The following NAV3 variants were observed in gnomAD, a reference collection of about 807,000 sequenced individuals.
The protein encoded by NAV3 is neuron navigator 3.
NAV3 carries 87 observed loss-of-function variants against 244.7 expected under a neutral mutation model. The ratio of observed to expected loss-of-function variants is 0.36; its 90% CI spans 0.30 to 0.42. The LOEUF is 0.42. Among genes scored for constraint, NAV3 ranks in the 20% least tolerant of loss-of-function variants. The probability of loss-of-function intolerance (pLI) is 1.00; values close to 1 mark genes in which losing one functional copy is unlikely to be tolerated. For synonymous variants in NAV3, 1,126 were observed against 1,042.2 expected (o/e 1.08, Z -1.55); for missense variants, 2,663 against 2,893.3 (o/e 0.92, Z 1.83).
chr12:78,035,987 A>G (rs1398184188), intron 9 of NAV3, among the ~76,000 whole-genome samples: 1 of 152,176 alleles, frequency 6.6e-6, no homozygotes, highest in East Asian at 1.9e-4. Context: ...CTGCAGCTAC[A>G]GAGAATTAGT....
intron 28 of NAV3, among the ~76,000 whole-genome samples, chr12:78,177,911 G>T (rs1391552998): frequency 8.5e-6 from 1 of 117,254 alleles, no homozygotes; most frequent in East Asian, 2.3e-4. Flanking sequence ...CCACTTTTTG[G>T]TAGTACAGTA....
At position 77,764,629 on chromosome 12, in the gene NAV3, T is replaced by A. The variant is rs572929730; in HGVS notation, c.73-175690T>A. Among the ~76,000 whole-genome samples, 26 of 152,382 alleles carry A rather than the reference T, an allele frequency of 1.7e-4. No homozygotes were observed. In the South Asian group the frequency reaches 5.2e-3, roughly 30 times the overall value. On this transcript the variant is annotated intron_variant, in intron 2 of 8. Transcript: ENST00000550042. The stretch of plus-strand genomic sequence containing the variant: ...TCATAGGATTTTTCAAAAGAGAGCC[T>A]CGTTTAATAAATTAGTTCTACAGTG...
intron 2 of NAV3, among the ~76,000 whole-genome samples, chr12:77,807,802 C>A (rs1872062360): frequency 6.6e-6 from 1 of 152,188 alleles, no homozygotes; most frequent in Non-Finnish European, 1.5e-5. Context: ...CCGTCACTTT[C>A]ACGTACACCA....
rs2136073163 is a variant in NAV3, at chr12:77,831,432, TG to T, written c.-28del. The T allele has an allele frequency of 6.4e-7, 1 of 1,558,396 alleles. No individual in the cohort carries two copies. The highest frequency in any genetic ancestry group is 8.7e-7 in the Non-Finnish European group (1 of 1,155,966). ...AGACTGAGGTTAGAAGCATTTTCTTTGGCAGCAAGAAGATAATTTTATAGAA... is the reference window on the plus strand; with the variant it reads ...AGACTGAGGTTAGAAGCATTTTCTTTGCAGCAAGAAGATAATTTTATAGAA... On this transcript the variant is annotated 5_prime_UTR_variant, in exon 1 of 40. Transcript: ENST00000397909.
intron 4 of NAV3, among the ~76,000 whole-genome samples, chr12:77,966,849 A>C (rs1236490200): frequency 6.6e-6 from 1 of 152,078 alleles, no homozygotes; most frequent in Non-Finnish European, 1.5e-5. Flanking sequence ...CTAAAATTGA[A>C]AGAGAGCAAA....
chr12:77,929,782 G>A (rs183827780), intron 1 of NAV3, among the ~76,000 whole-genome samples: 219 of 145,580 alleles, frequency 1.5e-3, no homozygotes, highest in African/African-American at 4.6e-3. Flanking sequence ...ACAGGCACCC[G>A]CCACCACGGC....
chr12:77,859,542 G>T (rs539376583), intron 1 of NAV3, among the ~76,000 whole-genome samples: 1 of 150,514 alleles, frequency 6.6e-6, no homozygotes, highest in Non-Finnish European at 1.5e-5. Context: ...TGGGTGCAGC[G>T]CACCAGCATG....
intron 2 of NAV3, among the ~76,000 whole-genome samples, chr12:77,729,549 A>G (rs1877031494): frequency 6.6e-6 from 1 of 152,018 alleles, no homozygotes; most frequent in Non-Finnish European, 1.5e-5. Flanking sequence ...TAAGATAAAC[A>G]TGGTGATCAG....
At chr12:78,162,216 G>T (rs1957573129) in intron 23 of NAV3, among the ~76,000 whole-genome samples, 1 of 152,100 alleles carries the variant, frequency 6.6e-6, no homozygotes, top group African/African-American at 2.4e-5. Context: ...AGATAAAAGG[G>T]TATATTGCTC....
intron 1 of NAV3, among the ~76,000 whole-genome samples, chr12:77,877,561 A>C (rs1032497279): frequency 3.3e-5 from 5 of 152,276 alleles, no homozygotes; most frequent in East Asian, 1.9e-4. Flanking sequence ...TGGAGCAAAA[A>C]AGTGGACTAT....
intron 20 of NAV3, among the ~76,000 whole-genome samples, chr12:78,142,386 T>G (rs1425788186): frequency 6.6e-6 from 1 of 152,094 alleles, no homozygotes; most frequent in African/African-American, 2.4e-5. Context: ...CACTATCTAA[T>G]ATAGTAACTA....
chr12:78,207,846 T>C (rs1239891219), intron 39 of NAV3, among the ~76,000 whole-genome samples: 2 of 152,160 alleles, frequency 1.3e-5, no homozygotes, highest in Non-Finnish European at 2.9e-5. Context: ...TAGTTAGATC[T>C]GCAGTTTCTA....
At chr12:77,663,279 T>G (rs749967616) in intron 2 of NAV3, among the ~76,000 whole-genome samples, 42 of 152,306 alleles carry the variant, frequency 2.8e-4, no homozygotes, top group Non-Finnish European at 5.4e-4. Context: ...ATACATCATA[T>G]TCTGACTACT....
chr12:77,980,444 G>A (rs1869363175), intron 5 of NAV3, among the ~76,000 whole-genome samples: 1 of 152,046 alleles, frequency 6.6e-6, no homozygotes, highest in Non-Finnish European at 1.5e-5. Context: ...TTATTTTCCT[G>A]AATATATGTA....
intron 2 of NAV3, among the ~76,000 whole-genome samples, chr12:77,611,745 A>G (rs1870923470): frequency 6.6e-6 from 1 of 152,076 alleles, no homozygotes. Flanking sequence ...ATGATGAGCA[A>G]AAAGTGCTTT....
At chr12:77,672,001 A>G (rs1196311838) in intron 2 of NAV3, among the ~76,000 whole-genome samples, 1 of 152,238 alleles carries the variant, frequency 6.6e-6, no homozygotes, top group Non-Finnish European at 1.5e-5. Flanking sequence ...TTCACAATCT[A>G]TGCCTCCGAC....
At chr12:77,988,180 G>C (rs1870855885) in intron 5 of NAV3, among the ~76,000 whole-genome samples, 4 of 152,282 alleles carry the variant, frequency 2.6e-5, no homozygotes, top group Admixed American at 2.0e-4. Flanking sequence ...CTGTTTAAAT[G>C]AAGATTCAAA....
At chr12:77,744,352 A>G (rs1592640430) in intron 2 of NAV3, among the ~76,000 whole-genome samples, 1 of 152,156 alleles carries the variant, frequency 6.6e-6, no homozygotes, top group African/African-American at 2.4e-5. Context: ...TTCTCTAACA[A>G]TTGAAAAGCT....
At chr12:78,051,690 C>T (rs982967801) in intron 11 of NAV3, among the ~76,000 whole-genome samples, 9 of 152,042 alleles carry the variant, frequency 5.9e-5, no homozygotes, top group African/African-American at 1.9e-4. Context: ...CTTCTGTGTC[C>T]TATTACATTC....
Sources: allele counts gnomAD v4.1 joint callset (sites outside exome capture counted in the v4.1 genomes callset), GRCh38; gene constraint gnomAD v4.1.1; transcripts MANE v1.5; gene names NCBI Gene and HGNC (gene_info 2026-07-23, HGNC 2026-07-21).